The following BCL9 variants were observed in gnomAD, a reference collection of about 807,000 sequenced individuals.
BCL9 encodes the protein BCL9 transcription coactivator.
Under a neutral mutation model 88.5 loss-of-function variants are expected in BCL9, and 25 were observed. The ratio of observed to expected loss-of-function variants is 0.28; its 90% CI spans 0.21 to 0.39. The LOEUF (loss-of-function observed/expected upper bound fraction) is 0.39, where lower values mean the gene tolerates loss of function less well. Ranked by LOEUF, BCL9 falls within the 10% of genes least tolerant of loss-of-function variation. The probability of loss-of-function intolerance (pLI) is 1.00; values close to 1 mark genes in which losing one functional copy is unlikely to be tolerated. For synonymous variants in BCL9, 711 were observed against 673.3 expected, an observed-to-expected ratio of 1.06 and a Z score of -0.87; for missense variants, 1,817 against 1,877.8, an observed-to-expected ratio of 0.97 and a Z score of 0.60.
intron 1 of BCL9, among the ~76,000 whole-genome samples, chr1:147,578,108 G>C (rs782354410): frequency 5.9e-5 from 9 of 152,036 alleles, no homozygotes; most frequent in Admixed American, 5.9e-4. Flanking sequence ...TTGCCATCAC[G>C]GCATTTCCAA....
At chr1:147,609,944 A>G (rs56125622) in intron 3 of BCL9, among the ~76,000 whole-genome samples, 376 of 152,380 alleles carry the variant, frequency 2.5e-3, no homozygotes, top group Non-Finnish European at 4.7e-3. Flanking sequence ...ATTGAGTGCT[A>G]GAATACGTGA....
intron 9 of BCL9, 42 bp downstream of exon 9, chr1:147,622,573 CAA>C: frequency 6.2e-7 from 1 of 1,608,412 alleles, no homozygotes; most frequent in Non-Finnish European, 8.5e-7. Context: ...AGTGCTAGAC[CAA>C]AGAGAAACCT....
chr1:147,545,070 C>T (rs1275225105), intron 1 of BCL9, among the ~76,000 whole-genome samples: 1 of 152,128 alleles, frequency 6.6e-6, no homozygotes, highest in Non-Finnish European at 1.5e-5. Flanking sequence ...TGCCCACCCA[C>T]ACATAAATCA....
At chr1:147,542,176 C>A (rs1259957695) in intron 1 of BCL9, among the ~76,000 whole-genome samples, 1 of 152,172 alleles carries the variant, frequency 6.6e-6, no homozygotes, top group Non-Finnish European at 1.5e-5. Context: ...GTGTGGACTT[C>A]CCACACACTG....
In BCL9 at chr1:147,613,111, G is replaced by C; in HGVS notation, c.282G>C (p.Lys94Asn). 1 of 1,614,210 alleles carries C rather than the reference G, an allele frequency of 6.2e-7. No individual in the cohort carries two copies. Among genetic ancestry groups the C allele is most frequent in the South Asian group, 1.1e-5 (1 of 91,086 alleles). ...AGAATGGGGCTGGAAATGGTGCCAAGGGCAAGGGGAAAAGGGAGCGAAGTA... is the reference window on the plus strand; with the variant it reads ...AGAATGGGGCTGGAAATGGTGCCAACGGCAAGGGGAAAAGGGAGCGAAGTA... ...GLKNGAGNGA[K>N]GKGKRERSIS... The change falls in exon 5 of 10, where the codon AAG becomes AAC. Residue 94 changes from lysine to asparagine, a missense_variant. Lys to Asn is a moderately conservative substitution (Grantham distance 94). Transcript: ENST00000234739.
intron 1 of BCL9, among the ~76,000 whole-genome samples, chr1:147,589,745 A>G (rs1175700545): frequency 1.3e-5 from 2 of 152,238 alleles, no homozygotes; most frequent in Non-Finnish European, 2.9e-5. Context: ...GTTGATGGAC[A>G]TTCAGATTGA....
At chr1:147,607,184 GAATA>G (rs1553202109) in intron 3 of BCL9, among the ~76,000 whole-genome samples, 1 of 152,078 alleles carries the variant, frequency 6.6e-6, no homozygotes, top group Non-Finnish European at 1.5e-5. Flanking sequence ...TTTAAAGGCC[GAATA>G]GTATTGCATT....
chr1:147,564,300 G>A (rs151161065), intron 1 of BCL9, among the ~76,000 whole-genome samples: 124 of 151,902 alleles, frequency 8.2e-4, no homozygotes, highest in African/African-American at 2.9e-3. Context: ...TTCTTGATTC[G>A]GTCAGGGTTT....
chr1:147,567,978 C>G (rs1436415554), intron 1 of BCL9, among the ~76,000 whole-genome samples: 1 of 152,202 alleles, frequency 6.6e-6, no homozygotes, highest in Admixed American at 6.5e-5. Flanking sequence ...TCTGCAACTC[C>G]CATGCACACA....
At chr1:147,569,327 A>G (rs1055730507) in intron 1 of BCL9, among the ~76,000 whole-genome samples, 1 of 152,032 alleles carries the variant, frequency 6.6e-6, no homozygotes. Flanking sequence ...GGTCTGTCTC[A>G]TGATAAGAAA....
chr1:147,569,473 CAAAAAA>C (rs79619243), intron 1 of BCL9, among the ~76,000 whole-genome samples: 1 of 124,970 alleles, frequency 8.0e-6, no homozygotes, highest in Admixed American at 8.5e-5. Context: ...TACTAAAATA[CAAAAAA>C]AAAAAAAAAG....
At chr1:147,615,517 ACACCTAC>A in intron 6 of BCL9, among the ~76,000 whole-genome samples, 1 of 152,320 alleles carries the variant, frequency 6.6e-6, no homozygotes, top group East Asian at 1.9e-4. Context: ...TCTCTATAAA[ACACCTAC>A]CACAGCGGAT....
chr1:147,575,211 C>T (rs1003866441), intron 1 of BCL9, among the ~76,000 whole-genome samples: 1 of 152,138 alleles, frequency 6.6e-6, no homozygotes, highest in African/African-American at 2.4e-5. Flanking sequence ...GTTGCTTCAC[C>T]CAACTAAGTC....
In BCL9 at chr1:147,623,988, C is replaced by T; in HGVS notation, c.3310C>T (p.Pro1104Ser). Reference sequence around the variant, plus strand: ...AAATGCCGTGGGACCCAACATACCTCCTCATGGGGTCCCAATGGGGCCTGG... The same window carrying T: ...AAATGCCGTGGGACCCAACATACCTTCTCATGGGGTCCCAATGGGGCCTGG... ...SPNAVGPNIP[P>S]HGVPMGPGLM... Residue 1104 changes from proline (P) to serine (S), a missense_variant, in exon 10 of 10, where the codon CCT (proline) becomes TCT (serine). Coordinates refer to ENST00000234739, the MANE Select transcript of BCL9 (RefSeq NM_004326.4). The T allele has an allele frequency of 6.2e-7, 1 of 1,614,224 alleles. No homozygotes were observed. Among genetic ancestry groups the T allele is most frequent in the Non-Finnish European group, 8.5e-7 (1 of 1,180,032 alleles).
At chr1:147,549,375 C>T (rs716703) in intron 1 of BCL9, among the ~76,000 whole-genome samples, 9,988 of 152,068 alleles carry the variant, frequency 0.066, 656 homozygotes, top group African/African-American at 0.17. Context: ...TTATTTTTTA[C>T]GTCAAAGAAT....
intron 1 of BCL9, among the ~76,000 whole-genome samples, chr1:147,574,504 T>C (rs1482351760): frequency 6.6e-6 from 1 of 152,126 alleles, no homozygotes; most frequent in African/African-American, 2.4e-5. Context: ...TGCCAAATAG[T>C]CCAGGAATGA....
In BCL9 at chr1:147,620,024, C is replaced by A; in HGVS notation, c.1869C>A (p.Asn623Lys). The A allele has an allele frequency of 6.2e-7, 1 of 1,614,160 alleles. No homozygotes were observed. Among genetic ancestry groups the A allele is most frequent in the Middle Eastern group, 1.6e-4 (1 of 6,062 alleles). ...CTGGCCGAGGGGAACGCTTCCCAAA[C>A]CCCCAAGGATTGTCTGAAGAGATGT... ...SGPGRGERFP[N>K]PQGLSEEMFQ... is the part of the protein sequence containing the mutation. The change falls in exon 8 of 10, where the codon AAC becomes AAA. Residue 623 changes from asparagine (N) to lysine (K), a missense_variant. Asn to Lys is a moderately conservative substitution (Grantham distance 94). Around this residue, in one of 2 missense-constraint regions of BCL9, gnomAD observed 1,228 missense variants for 1,191.6 expected, o/e 1.03. Transcript: ENST00000234739.
At chr1:147,594,865 TG>T (rs1557842563) in intron 1 of BCL9, among the ~76,000 whole-genome samples, 2 of 152,262 alleles carry the variant, frequency 1.3e-5, no homozygotes. Context: ...TGGCAGAGAA[TG>T]TAGGTTGCCC....
At chr1:147,576,838 A>G (rs1287274194) in intron 1 of BCL9, among the ~76,000 whole-genome samples, 1 of 152,148 alleles carries the variant, frequency 6.6e-6, no homozygotes, top group Non-Finnish European at 1.5e-5. Flanking sequence ...AGTGTGCAAA[A>G]TAATGTAAAG....
Sources: allele counts gnomAD v4.1 joint callset (sites outside exome capture counted in the v4.1 genomes callset), GRCh38; gene constraint gnomAD v4.1.1; regional missense constraint gnomAD v4.1.1; transcripts MANE v1.5; gene names NCBI Gene and HGNC (gene_info 2026-07-23, HGNC 2026-07-21).